The following ST3GAL1 variants were observed in gnomAD, a reference collection of about 807,000 sequenced individuals.
ST3GAL1 encodes CMP-N-acetylneuraminate-beta-galactosamide-alpha-2,3-sialyltransferase 1.
A neutral mutation model predicts 34.1 loss-of-function variants in ST3GAL1; 16 were observed. That is an observed-to-expected ratio of 0.47 (90% CI 0.32 to 0.71). The LOEUF (loss-of-function observed/expected upper bound fraction) is 0.71, where lower values mean the gene tolerates loss of function less well. Ranked by LOEUF, ST3GAL1 falls within the 30% of genes least tolerant of loss-of-function variation. The pLI, the probability that ST3GAL1 is intolerant of heterozygous loss-of-function variation, is 0.04. For synonymous variants in ST3GAL1, 191 were observed against 184.7 expected (o/e 1.03, Z -0.28); for missense variants, 353 against 447.4 (o/e 0.79, Z 1.90).
At chr8:133,566,024 C>T (rs748633529) in intron 1 of ST3GAL1, among the ~76,000 whole-genome samples, 1 of 152,230 alleles carries the variant, frequency 6.6e-6, no homozygotes, top group Non-Finnish European at 1.5e-5. Flanking sequence ...GCTGGCCAGC[C>T]AGGCCACATA....
chr8:133,531,814 GAAAAAA>G lies in ST3GAL1; in HGVS notation c.-429+13954_-429+13959del, dbSNP rs55909710. ...ACTTGTATCCCGAAACTTAAAAACAGAAAAAAAAAAAAAAAAAAAAAAAAGCCATGT... is the reference window on the plus strand; with the variant it reads ...ACTTGTATCCCGAAACTTAAAAACAGAAAAAAAAAAAAAAAAAAGCCATGT... On this transcript the variant is annotated intron_variant, in intron 2 of 9. Transcript: ENST00000522652. 7.0e-5 allele frequency among the ~76,000 whole-genome samples: 7 copies of G among 99,858 alleles called. 1 individual carries two copies. Among genetic ancestry groups the G allele is most frequent in the South Asian group, 6.5e-4 (2 of 3,080 alleles). 65.5% of individuals were successfully genotyped at this position (99,858 alleles called of 152,430 possible).
At chr8:133,567,761 T>C (rs1253049098) in intron 1 of ST3GAL1, among the ~76,000 whole-genome samples, 1 of 152,112 alleles carries the variant, frequency 6.6e-6, no homozygotes. Context: ...CATGGGGTAG[T>C]AGACAGTCCA....
chr8:133,520,403 T>G (rs115030837), intron 2 of ST3GAL1, among the ~76,000 whole-genome samples: 257 of 152,338 alleles, frequency 1.7e-3, no homozygotes, highest in African/African-American at 5.7e-3. Flanking sequence ...GCCTTCAAAA[T>G]GCTCCTAGTT....
At chr8:133,489,352 C>T (rs1413797038) in intron 3 of ST3GAL1, among the ~76,000 whole-genome samples, 1 of 152,126 alleles carries the variant, frequency 6.6e-6, no homozygotes, top group African/African-American at 2.4e-5. Context: ...GGAGCTGTGC[C>T]CCACAGAAAG....
At chr8:133,566,712 G>A (rs899407921) in intron 1 of ST3GAL1, among the ~76,000 whole-genome samples, 2 of 152,172 alleles carry the variant, frequency 1.3e-5, no homozygotes, top group African/African-American at 4.8e-5. Context: ...CTGAGATAAA[G>A]TATACGGATG....
chr8:133,551,218 C>T (rs1033074230), intron 1 of ST3GAL1, among the ~76,000 whole-genome samples: 1 of 152,048 alleles, frequency 6.6e-6, no homozygotes, highest in African/African-American at 2.4e-5. Flanking sequence ...ATCTGTAATC[C>T]CAACACTTTG....
intron 3 of ST3GAL1, among the ~76,000 whole-genome samples, chr8:133,478,122 G>C (rs1459485329): frequency 2.0e-5 from 3 of 152,162 alleles, no homozygotes; most frequent in Non-Finnish European, 4.4e-5. Flanking sequence ...CCTAGATTTT[G>C]TTTATAACCT....
intron 9 of ST3GAL1, among the ~76,000 whole-genome samples, chr8:133,460,661 T>G (rs1439817228): frequency 6.6e-6 from 1 of 152,238 alleles, no homozygotes; most frequent in African/African-American, 2.4e-5. Flanking sequence ...TATAGCTTCT[T>G]GGAGTCACTG....
intron 5 of ST3GAL1, among the ~76,000 whole-genome samples, chr8:133,470,316 G>A (rs999594313): frequency 3.9e-5 from 6 of 152,068 alleles, no homozygotes; most frequent in African/African-American, 1.2e-4. Flanking sequence ...CTACTCAGGA[G>A]GCTGAGGCAG....
At chr8:133,543,509 A>G (rs1023582420) in intron 2 of ST3GAL1, among the ~76,000 whole-genome samples, 1 of 152,210 alleles carries the variant, frequency 6.6e-6, no homozygotes, top group Non-Finnish European at 1.5e-5. Context: ...AAATGCGAAC[A>G]TTTGAAAACC....
At position 133,486,532 on chromosome 8, in the gene ST3GAL1, G is replaced by A. The variant is rs372686086; in HGVS notation, c.-373-9932C>T. On this transcript the variant is annotated intron_variant, in intron 3 of 9. Transcript: ENST00000522652. ...ATCAGCCGTGAGGGGAGCCAGACCC[G>A]TTTCCCTCCAGAAAACATCATCCAA... is the stretch of plus-strand genomic sequence containing the variant. Among the ~76,000 whole-genome samples, 86 of 152,328 alleles carry A rather than the reference G, an allele frequency of 5.6e-4. No individual in the cohort carries two copies. The South Asian group carries it at 0.017, about 29-fold the overall frequency.
At chr8:133,492,394 G>T (rs1291841672) in intron 3 of ST3GAL1, among the ~76,000 whole-genome samples, 1 of 152,196 alleles carries the variant, frequency 6.6e-6, no homozygotes, top group Non-Finnish European at 1.5e-5. Flanking sequence ...GACCTCAACA[G>T]CTTTACCAAG....
intron 3 of ST3GAL1, among the ~76,000 whole-genome samples, chr8:133,485,876 G>T (rs1427379601): frequency 1.3e-5 from 2 of 152,080 alleles, no homozygotes; most frequent in African/African-American, 4.8e-5. Context: ...AAGTTACATG[G>T]GCTGCTGAGC....
At chr8:133,505,923 T>C (rs1817321333) in intron 2 of ST3GAL1, among the ~76,000 whole-genome samples, 2 of 152,206 alleles carry the variant, frequency 1.3e-5, no homozygotes, top group Admixed American at 6.5e-5. Context: ...TAAACTTATA[T>C]TTTAAATTTA....
In ST3GAL1 at chr8:133,459,686, A is replaced by G; in HGVS notation, c.*78T>C. ...TGAGGCTGCCCCTCCAAGCTCCGGG[A>G]TGGAACGGCTCCAGCAAGATGCTGG... On this transcript the variant is annotated 3_prime_UTR_variant, in exon 10 of 10. Coordinates refer to ENST00000522652, the MANE Select transcript of ST3GAL1 (RefSeq NM_173344.3). This position sits in a 1 kb window ranked among gnomAD's most constrained non-coding sequence, Gnocchi z 4.7. 6.6e-7 allele frequency: 1 copy of G among 1,515,602 alleles called. No individual in the cohort carries two copies. The highest frequency in any genetic ancestry group is 8.9e-7 in the Non-Finnish European group (1 of 1,126,128). The allele number at this position is 1,515,602 out of a possible 1,614,324, so 93.9% of individuals were successfully genotyped here.
intron 2 of ST3GAL1, among the ~76,000 whole-genome samples, chr8:133,510,245 G>A (rs953181985): frequency 5.3e-5 from 8 of 152,126 alleles, no homozygotes; most frequent in African/African-American, 1.9e-4. Flanking sequence ...GCCAATTAGT[G>A]GCCTTTTGAA....
intron 1 of ST3GAL1, among the ~76,000 whole-genome samples, chr8:133,555,417 CCCAGAGATAAAGTCA>C (rs960673885): frequency 2.0e-5 from 3 of 152,148 alleles, no homozygotes; most frequent in African/African-American, 7.2e-5. Context: ...GTTCTCAAAC[CCCAGAGATAAAGTCA>C]CCAATTCTCA....
chr8:133,526,777 G>A (rs1271093162), intron 2 of ST3GAL1, among the ~76,000 whole-genome samples: 1 of 152,144 alleles, frequency 6.6e-6, no homozygotes, highest in Non-Finnish European at 1.5e-5. Context: ...ATTGGATGCA[G>A]TTTTCCAGCT....
chr8:133,488,580 C>A (rs1461433099), intron 3 of ST3GAL1: 1 of 152,270 alleles, frequency 6.6e-6, no homozygotes, highest in Non-Finnish European at 1.5e-5. Context: ...AGTTGAATCT[C>A]TTAATATGCA....
Sources: gnomAD v4.1 joint callset for allele counts (sites outside exome capture counted in the v4.1 genomes callset) on GRCh38, gnomAD v4.1.1 for gene constraint, Gnocchi (gnomAD v3.1) non-coding constraint, MANE v1.5 for transcripts, NCBI Gene and HGNC (gene_info 2026-07-23, HGNC 2026-07-21) for gene names.